The following DYSF variants were observed in gnomAD, a reference collection of about 807,000 sequenced individuals.
The protein encoded by DYSF is dysferlin, also known as dystrophy-associated fer-1-like 1.
Under a neutral mutation model 274.9 loss-of-function variants are expected in DYSF, and 212 were observed. That is an observed-to-expected ratio of 0.77 (90% CI 0.69 to 0.86). The LOEUF (loss-of-function observed/expected upper bound fraction) is 0.86, where lower values mean the gene tolerates loss of function less well. DYSF is among the 40% of genes least tolerant of loss of function. The probability of loss-of-function intolerance (pLI) is 0.00; values close to 1 mark genes in which losing one functional copy is unlikely to be tolerated. For synonymous variants in DYSF, 1,091 were observed against 1,078.7 expected (o/e 1.01, Z -0.22); for missense variants, 2,666 against 2,783.2 (o/e 0.96, Z 0.95).
Position 71,600,797 on chromosome 2 carries a change from G to C in DYSF, c.3852G>C (p.Pro1284=), listed in dbSNP as rs139983909. 1.9e-6 allele frequency: 3 copies of C among 1,613,386 alleles called. No homozygotes were observed. In the African/African-American group the frequency reaches 4.0e-5, roughly 22 times the overall value. ...TCCCACTGACGAGGGGCAGCCAGCC[G>C]TCGGGGGAGCTGCTGGCCTCTTTTG... ...AWFPLTRGSQ[P]SGELLASFEL... is the part of the protein sequence containing the mutation. The change falls in exon 34 of 56, where the codon CCG becomes CCC. Residue 1284 remains proline, a synonymous_variant. Transcript: ENST00000410020.
intron 36 of DYSF, 197 bp from the exon 37 acceptor site, chr2:71,611,048 T>C: frequency 1.6e-6 from 1 of 630,228 alleles, no homozygotes; most frequent in Admixed American, 2.2e-5. Context: ...GGAATTGTGA[T>C]CCTGGAGAAG....
At chr2:71,681,233 C>G in intron 54 of DYSF, 123 bp downstream of exon 54, 2 of 862,252 alleles carry the variant, frequency 2.3e-6, no homozygotes, top group South Asian at 2.9e-5. Context: ...GAGAGGGGCA[C>G]GACTCATCCA....
At chr2:71,501,782 T>A (rs528732956) in intron 3 of DYSF, among the ~76,000 whole-genome samples, 1 of 152,334 alleles carries the variant, frequency 6.6e-6, no homozygotes, top group East Asian at 1.9e-4. Flanking sequence ...ATGGACCACA[T>A]CTTGTTTGTG....
chr2:71,582,209 G>T (rs375704659), intron 30 of DYSF, among the ~76,000 whole-genome samples: 1 of 148,494 alleles, frequency 6.7e-6, no homozygotes, highest in South Asian at 2.2e-4. Context: ...AACAGCAGCC[G>T]AACAGTTGCA....
intron 3 of DYSF, among the ~76,000 whole-genome samples, chr2:71,494,459 C>T (rs577857846): frequency 6.6e-6 from 1 of 152,318 alleles, no homozygotes; most frequent in African/African-American, 2.4e-5. Flanking sequence ...GTGCAAATAT[C>T]CTGCTTCTCA....
intron 36 of DYSF, among the ~76,000 whole-genome samples, chr2:71,610,221 A>T (rs1266064568): frequency 2.0e-5 from 3 of 152,210 alleles, no homozygotes; most frequent in Admixed American, 6.5e-5. Context: ...ATTTTTCTCT[A>T]ATTGTCACAA....
At chr2:71,467,641 G>C (rs1402069218) in intron 1 of DYSF, among the ~76,000 whole-genome samples, 1 of 152,082 alleles carries the variant, frequency 6.6e-6, no homozygotes, top group Admixed American at 6.6e-5. Context: ...CCACTGGAGC[G>C]GGTGTCTCAG....
intron 42 of DYSF, among the ~76,000 whole-genome samples, chr2:71,646,163 G>C (rs916927322): frequency 3.3e-5 from 5 of 152,264 alleles, no homozygotes; most frequent in African/African-American, 1.2e-4. Context: ...CGACTTGGTA[G>C]TTGGGTGTGT....
intron 32 of DYSF, 80 bp downstream of exon 32, chr2:71,590,368 G>T: frequency 6.6e-7 from 1 of 1,519,140 alleles, no homozygotes; most frequent in South Asian, 1.1e-5. Flanking sequence ...CGGGCAACAA[G>T]GGGTGCTGTT....
At chr2:71,671,674 G>T (rs2152958419) in intron 51 of DYSF, among the ~76,000 whole-genome samples, 1 of 152,344 alleles carries the variant, frequency 6.6e-6, no homozygotes, top group African/African-American at 2.4e-5. Flanking sequence ...GTGAGGGAGG[G>T]ACACAGAGAG....
chr2:71,673,382 C>T (rs184850519), intron 51 of DYSF, among the ~76,000 whole-genome samples: 1 of 152,246 alleles, frequency 6.6e-6, no homozygotes, highest in East Asian at 1.9e-4. Flanking sequence ...GCGAGCTGGT[C>T]TGAGGGAGGT....
At chr2:71,583,256 G>A (rs1472651994) in intron 30 of DYSF, among the ~76,000 whole-genome samples, 1 of 152,170 alleles carries the variant, frequency 6.6e-6, no homozygotes, top group Non-Finnish European at 1.5e-5. Context: ...GCTCTGAGGG[G>A]CCCCCTGACC....
chr2:71,606,725 T>G (rs1238375289), intron 36 of DYSF, among the ~76,000 whole-genome samples: 1 of 152,030 alleles, frequency 6.6e-6, no homozygotes, highest in Non-Finnish European at 1.5e-5. Context: ...TTATAAGACG[T>G]TTCTGGAGCG....
chr2:71,679,424 G>A (rs564553800), intron 53 of DYSF, among the ~76,000 whole-genome samples, 189 bp downstream of exon 53: 30 of 149,222 alleles, frequency 2.0e-4, no homozygotes, highest in African/African-American at 5.5e-4. Flanking sequence ...ATTCCCGGTC[G>A]CCTTCTCCTT....
At chr2:71,664,577 A>C (rs111725622) in intron 46 of DYSF, 139 bp downstream of exon 46, 1 of 993,896 alleles carries the variant, frequency 1.0e-6, no homozygotes, top group Non-Finnish European at 1.5e-6. Flanking sequence ...ATTGAGTCCA[A>C]TGGGAGTCCT....
chr2:71,517,110 G>T (rs2152736969), intron 10 of DYSF, 71 bp downstream of exon 10: 1 of 1,397,496 alleles, frequency 7.2e-7, no homozygotes, highest in Non-Finnish European at 1.0e-6. Context: ...TGTGGACCAT[G>T]GGCAGGGGCT....
intron 21 of DYSF, among the ~76,000 whole-genome samples, chr2:71,554,931 G>A (rs911204694): frequency 2.0e-5 from 3 of 152,148 alleles, no homozygotes; most frequent in Admixed American, 2.0e-4. Context: ...GGTTTCTGTG[G>A]CATGGATGGG....
intron 13 of DYSF, among the ~76,000 whole-genome samples, chr2:71,527,439 C>T (rs2088066470): frequency 6.6e-6 from 1 of 152,158 alleles, no homozygotes; most frequent in African/African-American, 2.4e-5. Flanking sequence ...GGTATTAATT[C>T]AGTACTAAAA....
At chr2:71,509,288 G>A (rs2085831393) in intron 4 of DYSF, among the ~76,000 whole-genome samples, 1 of 152,142 alleles carries the variant, frequency 6.6e-6, no homozygotes, top group Non-Finnish European at 1.5e-5. Flanking sequence ...TCAGCCTCCT[G>A]AGTAGCTGGA....
Sources: gnomAD v4.1 joint callset for allele counts (sites outside exome capture counted in the v4.1 genomes callset) on GRCh38, gnomAD v4.1.1 for gene constraint, MANE v1.5 for transcripts, NCBI Gene and HGNC (gene_info 2026-07-23, HGNC 2026-07-21) for gene names.